ZHX3: variants seen among roughly 807,000 people sequenced by gnomAD.
The protein encoded by ZHX3 is zinc fingers and homeoboxes 3.
In ZHX3, 20 loss-of-function variants were observed where a neutral mutation model predicts 64.5. The observed-to-expected ratio is 0.31, with a 90% CI of 0.22 to 0.45. The LOEUF is 0.45. Ranked by LOEUF, ZHX3 falls within the 20% of genes least tolerant of loss-of-function variation. ZHX3 has a pLI of 1.00. For missense variants in ZHX3, 1,041 were observed against 1,195.8 expected (o/e 0.87, Z 1.91); for synonymous variants, 423 against 461.6 (o/e 0.92, Z 1.07).
At position 41,203,222 on chromosome 20, in the gene ZHX3, G is replaced by C; in HGVS notation, c.1695C>G (p.Ser565=). The change falls in exon 3 of 4, where the codon TCC becomes TCG. Residue 565 remains serine (S), a synonymous_variant. Coordinates refer to ENST00000683867, the MANE Select transcript of ZHX3 (RefSeq NM_001384317.1). This position sits in a 1 kb window ranked among gnomAD's most constrained non-coding sequence, Gnocchi z 7.1. ...CCTCTGGCACAGAGTCAATGATGAT[G>C]GAACTGTGATCTCCAGGTATCATCG... ...SRAMIPGDHS[S]IIIDSVPEVS... 2 of 1,614,136 alleles carry C rather than the reference G, an allele frequency of 1.2e-6. No homozygotes were observed. The highest frequency in any genetic ancestry group is 1.7e-6 in the Non-Finnish European group (2 of 1,180,024).
At chr20:41,244,154 A>C (rs1288758588) in intron 2 of ZHX3, among the ~76,000 whole-genome samples, 1 of 152,100 alleles carries the variant, frequency 6.6e-6, no homozygotes, top group Non-Finnish European at 1.5e-5. Context: ...ACAACCAAAA[A>C]GTCTCCAGAC....
At chr20:41,214,618 G>A (rs2039390675) in intron 2 of ZHX3, among the ~76,000 whole-genome samples, 1 of 152,248 alleles carries the variant, frequency 6.6e-6, no homozygotes, top group African/African-American at 2.4e-5. Flanking sequence ...CCACCTGGAT[G>A]CTTACTAAGG....
intron 1 of ZHX3, among the ~76,000 whole-genome samples, chr20:41,310,287 T>A (rs1286043895): frequency 6.6e-6 from 1 of 152,210 alleles, no homozygotes; most frequent in Non-Finnish European, 1.5e-5. Flanking sequence ...ATCATGGACA[T>A]TGTCTCAGGT....
chr20:41,278,363 T>A (rs111699796), intron 1 of ZHX3, among the ~76,000 whole-genome samples: 1 of 138,272 alleles, frequency 7.2e-6, no homozygotes, highest in Non-Finnish European at 1.6e-5. Flanking sequence ...AAAAAAAGAT[T>A]ATAGTTGGGG....
At chr20:41,257,612 CTTT>C (rs1223401714) in intron 2 of ZHX3, among the ~76,000 whole-genome samples, 10 of 137,808 alleles carry the variant, frequency 7.3e-5, no homozygotes, top group Non-Finnish European at 7.9e-5. Flanking sequence ...TCTTTTCTTT[CTTT>C]TTTTTTTTTT....
chr20:41,260,022 A>T (rs184015107), intron 2 of ZHX3, among the ~76,000 whole-genome samples: 1 of 152,202 alleles, frequency 6.6e-6, no homozygotes, highest in Admixed American at 6.5e-5. Flanking sequence ...CAAGATACAC[A>T]TGACACAAAA....
intron 3 of ZHX3, among the ~76,000 whole-genome samples, chr20:41,194,977 G>T (rs1260352800): frequency 6.6e-6 from 1 of 151,922 alleles, no homozygotes; most frequent in Admixed American, 6.6e-5. Context: ...TGTCAATTTT[G>T]TTTTTTCAAG....
In ZHX3 at chr20:41,253,148, C is replaced by T. The variant is rs569790889; in HGVS notation, c.-151+15842G>A. On this transcript the variant is annotated intron_variant, in intron 2 of 3. Coordinates refer to ENST00000683867, the MANE Select transcript of ZHX3 (RefSeq NM_001384317.1). ...AAAGTACCAACAAGAAGAGGAAACA[C>T]AATTTTGCAAATACTTTAGCGTATA... Among the ~76,000 whole-genome samples, 15 of 151,802 alleles carry T rather than the reference C, an allele frequency of 9.9e-5. No individual in the cohort carries two copies. In the South Asian group the frequency reaches 3.1e-3, roughly 32 times the overall value.
rs1008551335 is a variant in ZHX3, at chr20:41,179,660, C to G, written c.*5531G>C. On this transcript the variant is annotated 3_prime_UTR_variant, in exon 4 of 4. Transcript: ENST00000683867. The surrounding 1 kb of genome is among the most constrained non-coding windows in gnomAD (Gnocchi z 4.3). ...TTTTTTTTTTTTTGAGACGGAGTTTCGCTCTGTCGCCCAGGCTGGAGTGCA... is the reference window on the plus strand; with the variant it reads ...TTTTTTTTTTTTTGAGACGGAGTTTGGCTCTGTCGCCCAGGCTGGAGTGCA... 1.4e-5 allele frequency: 2 copies of G among 146,756 alleles called. No homozygotes were observed. The highest frequency in any genetic ancestry group is 2.0e-4 in the East Asian group (1 of 5,020). 9.1% of individuals were successfully genotyped at this position (146,756 alleles called of 1,614,324 possible).
At chr20:41,266,541 A>G (rs1446689508) in intron 2 of ZHX3, among the ~76,000 whole-genome samples, 2 of 132,664 alleles carry the variant, frequency 1.5e-5, no homozygotes, top group Non-Finnish European at 1.5e-5. Context: ...TAATCTCCCA[A>G]TCTTTCTTTT....
rs555025769 is a variant in ZHX3 at position 41,248,379 on chromosome 20, A to C, written c.-151+20611T>G. ...TGTCTTCTCTGCTAAAAGTATAACA[A>C]CACTCAGCTTTGCACAGAGCAGTTA... On this transcript the variant is annotated intron_variant, in intron 2 of 3. Transcript: ENST00000683867. 9.8e-5 allele frequency among the ~76,000 whole-genome samples: 15 copies of C among 152,292 alleles called. No individual in the cohort carries two copies. In the South Asian group the frequency reaches 3.1e-3, roughly 32 times the overall value.
intron 2 of ZHX3, among the ~76,000 whole-genome samples, chr20:41,217,178 A>C (rs2039589397): frequency 6.6e-6 from 1 of 152,212 alleles, no homozygotes; most frequent in Non-Finnish European, 1.5e-5. Flanking sequence ...TATTTCAGTT[A>C]TGTTACAAAC....
chr20:41,283,987 T>A (rs558063445), intron 1 of ZHX3, among the ~76,000 whole-genome samples: 1 of 152,132 alleles, frequency 6.6e-6, no homozygotes. Flanking sequence ...TTAATATATA[T>A]GCATTGTGTA....
At chr20:41,262,492 A>G (rs1260617965) in intron 2 of ZHX3, among the ~76,000 whole-genome samples, 6 of 152,170 alleles carry the variant, frequency 3.9e-5, no homozygotes, top group African/African-American at 1.2e-4. Context: ...TGGTACATAC[A>G]GTAACATTTA....
chr20:41,187,432 CTATTT>C (rs1022455507), intron 3 of ZHX3, among the ~76,000 whole-genome samples: 4 of 149,044 alleles, frequency 2.7e-5, no homozygotes, highest in Non-Finnish European at 5.9e-5. Flanking sequence ...GTTCTTTGAT[CTATTT>C]TAAGTAAATT....
At chr20:41,300,525 C>T (rs2044761763) in intron 1 of ZHX3, among the ~76,000 whole-genome samples, 1 of 152,106 alleles carries the variant, frequency 6.6e-6, no homozygotes, top group East Asian at 1.9e-4. Flanking sequence ...TAACTCTATC[C>T]CTCAAGCACT....
intron 3 of ZHX3, among the ~76,000 whole-genome samples, chr20:41,193,136 C>T (rs1054315643): frequency 2.0e-5 from 3 of 152,212 alleles, no homozygotes; most frequent in South Asian, 2.1e-4. Flanking sequence ...ATGGAAGAGG[C>T]GAGTACAAAA....
chr20:41,284,055 T>A (rs1225138446), intron 1 of ZHX3, among the ~76,000 whole-genome samples: 1 of 152,220 alleles, frequency 6.6e-6, no homozygotes, highest in Non-Finnish European at 1.5e-5. Context: ...AAATGTCTTT[T>A]TCTCAAACCT....
intron 2 of ZHX3, among the ~76,000 whole-genome samples, chr20:41,260,268 T>A (rs2042492685): frequency 6.6e-6 from 1 of 151,836 alleles, no homozygotes; most frequent in Admixed American, 6.6e-5. Flanking sequence ...ACAGCTGAAA[T>A]AAGGTAGGCA....
Sources: gnomAD v4.1 joint callset for allele counts (sites outside exome capture counted in the v4.1 genomes callset) on GRCh38, gnomAD v4.1.1 for gene constraint, Gnocchi (gnomAD v3.1) non-coding constraint, MANE v1.5 for transcripts, NCBI Gene and HGNC (gene_info 2026-07-23, HGNC 2026-07-21) for gene names.